The following PLCH2 variants were observed in gnomAD, a reference collection of about 807,000 sequenced individuals.
The protein encoded by PLCH2 is phospholipase C eta 2.
In PLCH2, 98 loss-of-function variants were observed where a neutral mutation model predicts 134.7. The ratio of observed to expected loss-of-function variants is 0.73; its 90% CI spans 0.62 to 0.86. The LOEUF (loss-of-function observed/expected upper bound fraction) is 0.86. Ranked by LOEUF, PLCH2 falls within the 40% of genes least tolerant of loss-of-function variation. PLCH2 has a pLI of 0.00. For missense variants in PLCH2, 1,994 were observed against 1,986.6 expected (o/e 1.00, Z -0.07); for synonymous variants, 974 against 827.5 (o/e 1.18, Z -3.04).
Position 2,497,560 on chromosome 1 carries a change from C to A in PLCH2, c.2175C>A (p.Ser725Arg), listed in dbSNP as rs369019288. 1.3e-6 allele frequency: 2 copies of A among 1,564,680 alleles called. No individual in the cohort carries two copies. Among genetic ancestry groups the A allele is most frequent in the East Asian group, 2.4e-5 (1 of 41,830 alleles). ...TGCAGCTGAACCGAGCCAAGTTCAG[C>A]GCCAACGGTGGCTGCGGCTACGTAC... ...RMLQLNRAKF[S>R]ANGGCGYVLK... The change falls in exon 16 of 22, where the codon AGC (serine) becomes AGA (arginine). Residue 725 changes from serine to arginine, a missense_variant. Ser to Arg is a moderately radical substitution (Grantham distance 110). Around this residue, in one of 2 missense-constraint regions of PLCH2, gnomAD observed 1,094 missense variants for 1,234.3 expected, o/e 0.89. Transcript: ENST00000378486.
intron 2 of PLCH2, among the ~76,000 whole-genome samples, chr1:2,445,210 G>A (rs999743707): frequency 9.9e-5 from 15 of 152,138 alleles, no homozygotes; most frequent in African/African-American, 3.6e-4. Flanking sequence ...TGGGCAAGTG[G>A]GTGCCTGTGG....
intron 2 of PLCH2, among the ~76,000 whole-genome samples, chr1:2,461,685 C>T (rs982275486): frequency 6.6e-6 from 1 of 152,182 alleles, no homozygotes; most frequent in African/African-American, 2.4e-5. Context: ...GGCCTCAAAT[C>T]CAGCTGTTTC....
At chr1:2,482,262 G>A (rs903345601) in intron 4 of PLCH2, among the ~76,000 whole-genome samples, 1 of 152,228 alleles carries the variant, frequency 6.6e-6, no homozygotes, top group Admixed American at 6.5e-5. Context: ...TCTGTGGAGG[G>A]GGCCGCATCT....
intron 21 of PLCH2, chr1:2,503,493 C>T: frequency 1.6e-6 from 1 of 645,152 alleles, no homozygotes; most frequent in Non-Finnish European, 2.8e-6. Flanking sequence ...AAGCACCCCA[C>T]TAGAAGGGTG....
chr1:2,484,641 T>G (rs1393004953), intron 5 of PLCH2, 23 bp downstream of exon 5: 7 of 1,606,196 alleles, frequency 4.4e-6, no homozygotes, highest in African/African-American at 2.7e-5. Context: ...GGGCAGGTGT[T>G]GGGGGGCCAG....
upstream of PLCH2, among the ~76,000 whole-genome samples, chr1:2,464,420 C>T (rs150031541): frequency 8.5e-5 from 13 of 152,374 alleles, no homozygotes; most frequent in Non-Finnish European, 1.5e-4. Context: ...GGCATGCACA[C>T]GAGTGCACAG....
At chr1:2,418,173 G>A in the PLCH2 span, among the ~76,000 whole-genome samples, 2 of 152,190 alleles carry the variant, frequency 1.3e-5, no homozygotes, top group South Asian at 2.1e-4. Flanking sequence ...CAGAGCCCAC[G>A]TTGCTCTGTC....
At chr1:2,502,787 G>A (rs1264367895) in intron 21 of PLCH2, 11 of 716,894 alleles carry the variant, frequency 1.5e-5, no homozygotes, top group Middle Eastern at 2.3e-4. Context: ...GGGCATCCCC[G>A]AAAGGTCCCC....
chr1:2,444,268 C>T lies in PLCH2; in HGVS notation c.115+13639C>T, dbSNP rs975156835. Among the ~76,000 whole-genome samples the T allele has an allele frequency of 5.3e-5, 8 of 152,218 alleles. No homozygotes were observed. Among genetic ancestry groups the T allele is most frequent in the Non-Finnish European group, 8.8e-5 (6 of 68,038 alleles). ...GCGGAGGTCGCACTGGGGCTGTGACCGTGCTGAGAATGACCCCTGCTGAGC... is the reference window on the plus strand; with the variant it reads ...GCGGAGGTCGCACTGGGGCTGTGACTGTGCTGAGAATGACCCCTGCTGAGC... On this transcript the variant is annotated intron_variant, in intron 2 of 3. Coordinates refer to the PLCH2 transcript ENST00000609981. The surrounding 1 kb of genome is among the most constrained non-coding windows in gnomAD (Gnocchi z 4.6).
Position 2,501,917 on chromosome 1 carries a change from G to C in PLCH2, c.2662-195G>C, listed in dbSNP as rs533310719. 2.1e-5 allele frequency: 11 copies of C among 526,398 alleles called. No individual in the cohort carries two copies. In the East Asian group the frequency reaches 3.7e-4, roughly 18 times the overall value. 32.6% of individuals were successfully genotyped at this position (526,398 alleles called of 1,614,324 possible). ...TAGATCTGTAGCAGCTACTGTCCCA[G>C]GCAGAGCTGCCCTAGGGACCCTGCT... On this transcript the variant is annotated intron_variant, in intron 20 of 21. Transcript: ENST00000378486.
chr1:2,442,915 A>T (rs1639755090), intron 2 of PLCH2, among the ~76,000 whole-genome samples: 1 of 152,156 alleles, frequency 6.6e-6, no homozygotes, highest in Admixed American at 6.5e-5. Context: ...CTCCTCCTTC[A>T]TGGCTGCCTG....
chr1:2,503,538 C>G, intron 21 of PLCH2: 1 of 681,886 alleles, frequency 1.5e-6, no homozygotes, highest in Non-Finnish European at 2.7e-6. Flanking sequence ...ATACACGGAG[C>G]CCGCCCCACA....
At chr1:2,474,176 G>C (rs570031377), upstream of PLCH2, among the ~76,000 whole-genome samples, 9 of 152,254 alleles carry the variant, frequency 5.9e-5, no homozygotes, top group African/African-American at 1.9e-4. Flanking sequence ...GACCTTGTGT[G>C]GGGGCTGGGC....
chr1:2,487,925 G>T (rs934177313), intron 8 of PLCH2, among the ~76,000 whole-genome samples: 9 of 152,218 alleles, frequency 5.9e-5, no homozygotes, highest in Non-Finnish European at 5.9e-5. Flanking sequence ...GGCTTCACAG[G>T]AGCAGCTCGT....
At chr1:2,441,930 G>A (rs944037099) in intron 2 of PLCH2, among the ~76,000 whole-genome samples, 3 of 152,162 alleles carry the variant, frequency 2.0e-5, no homozygotes, top group African/African-American at 7.2e-5. Flanking sequence ...ATGGTCCTGG[G>A]CAGAGGCTGC....
intron 2 of PLCH2, among the ~76,000 whole-genome samples, chr1:2,462,326 A>ACCCCTCTGCCTGACAC (rs1640858781): frequency 3.3e-5 from 1 of 29,870 alleles, no homozygotes; most frequent in Non-Finnish European, 6.3e-5. Context: ...TCTGCCTGAC[A>ACCCCTCTGCCTGACAC]CCCCTCTGCC....
intron 2 of PLCH2, among the ~76,000 whole-genome samples, chr1:2,433,084 C>A (rs1639144995): frequency 6.6e-6 from 1 of 152,212 alleles, no homozygotes; most frequent in Non-Finnish European, 1.5e-5. Flanking sequence ...GGATGTGGGG[C>A]CCCACTGAAC....
At chr1:2,440,580 AT>A (rs60585709) in intron 2 of PLCH2, among the ~76,000 whole-genome samples, 370 of 29,066 alleles carry the variant, frequency 0.013, 82 homozygotes, top group East Asian at 0.05. Context: ...GGGATCTTGC[AT>A]TGCTGCGACC....
chr1:2,478,856 C>G (rs776550811), intron 2 of PLCH2, among the ~76,000 whole-genome samples: 2 of 152,132 alleles, frequency 1.3e-5, no homozygotes, highest in Admixed American at 6.5e-5. Context: ...CCGAGTAGCA[C>G]TGTGCCCAGC....
Sources: allele counts gnomAD v4.1 joint callset (sites outside exome capture counted in the v4.1 genomes callset), GRCh38; gene constraint gnomAD v4.1.1; regional missense constraint gnomAD v4.1.1; non-coding constraint Gnocchi (gnomAD v3.1); transcripts MANE v1.5; gene names NCBI Gene and HGNC (gene_info 2026-07-23, HGNC 2026-07-21).